ADAMTS19: variants seen among roughly 807,000 people sequenced by gnomAD.
The protein encoded by ADAMTS19 is A disintegrin and metalloproteinase with thrombospondin motifs 19.
In ADAMTS19, 93 loss-of-function variants were observed where a neutral mutation model predicts 153.3. The ratio of observed to expected loss-of-function variants is 0.61; its 90% CI spans 0.51 to 0.72. The LOEUF is 0.72. Ranked by LOEUF, ADAMTS19 falls within the 30% of genes least tolerant of loss-of-function variation. ADAMTS19 has a pLI of 0.00. For synonymous variants in ADAMTS19, 600 were observed against 556.6 expected, an observed-to-expected ratio of 1.08 and a Z score of -1.10; for missense variants, 1,482 against 1,552.1, an observed-to-expected ratio of 0.95 and a Z score of 0.76.
chr5:129,473,790 T>C (rs1750139347), intron 2 of ADAMTS19, among the ~76,000 whole-genome samples: 1 of 152,132 alleles, frequency 6.6e-6, no homozygotes, highest in Non-Finnish European at 1.5e-5. Context: ...TGCACCCTAA[T>C]TATCTCTCAT....
At chr5:129,547,333 A>C (rs1049991647) in intron 6 of ADAMTS19, among the ~76,000 whole-genome samples, 1 of 150,864 alleles carries the variant, frequency 6.6e-6, no homozygotes. Context: ...GGAACATGAT[A>C]CTGCTGACAC....
At chr5:129,551,255 C>T (rs1038634569) in intron 6 of ADAMTS19, among the ~76,000 whole-genome samples, 13 of 151,390 alleles carry the variant, frequency 8.6e-5, no homozygotes, top group African/African-American at 3.1e-4. Flanking sequence ...CTATGAAATC[C>T]TGAATAATTG....
In ADAMTS19 at chr5:129,737,137, A is replaced by G. The variant is rs1214607818; in HGVS notation, c.3561A>G (p.Leu1187=). 6.2e-7 allele frequency: 1 copy of G among 1,612,052 alleles called. No homozygotes were observed. Among genetic ancestry groups the G allele is most frequent in the East Asian group, 2.2e-5 (1 of 44,814 alleles). Residue 1187 remains leucine (L), a synonymous_variant, in exon 23 of 23, where the codon CTA becomes CTG. Transcript: ENST00000274487. ...VYCRVIREKN[L]CQDMRWYQRC... Reference sequence around the variant, plus strand: ...GCCGAGTGATACGTGAAAAGAACCTATGTCAGGACATGCGGTGGTATCAGC... The same window carrying G: ...GCCGAGTGATACGTGAAAAGAACCTGTGTCAGGACATGCGGTGGTATCAGC...
intron 6 of ADAMTS19, among the ~76,000 whole-genome samples, chr5:129,537,039 C>T (rs1448680590): frequency 6.6e-6 from 1 of 150,968 alleles, no homozygotes. Flanking sequence ...TGCACATGTA[C>T]CCTAAAACTT....
At chr5:129,723,017 T>C (rs1757066972) in intron 21 of ADAMTS19, among the ~76,000 whole-genome samples, 1 of 152,204 alleles carries the variant, frequency 6.6e-6, no homozygotes, top group South Asian at 2.1e-4. Flanking sequence ...CATTTGTCTG[T>C]GTTTAGGCCA....
chr5:129,648,763 A>C, intron 12 of ADAMTS19, 35 bp from the exon 13 acceptor site: 1 of 1,588,958 alleles, frequency 6.3e-7, no homozygotes, highest in Non-Finnish European at 8.6e-7. Flanking sequence ...TAACATAAAA[A>C]ACATAAAATT....
intron 6 of ADAMTS19, among the ~76,000 whole-genome samples, chr5:129,542,310 T>G (rs1392361662): frequency 3.3e-5 from 5 of 152,106 alleles, no homozygotes; most frequent in Admixed American, 6.6e-5. Flanking sequence ...GATAATCCTA[T>G]GATTGGAAGC....
At chr5:129,639,254 A>C (rs79341045) in intron 10 of ADAMTS19, among the ~76,000 whole-genome samples, 2,123 of 152,260 alleles carry the variant, frequency 0.014, 38 homozygotes, top group African/African-American at 0.042. Context: ...CCCTTTAGAA[A>C]GGGCTTGCTG....
At chr5:129,612,771 A>C (rs947302660) in intron 8 of ADAMTS19, among the ~76,000 whole-genome samples, 8 of 152,168 alleles carry the variant, frequency 5.3e-5, no homozygotes, top group Non-Finnish European at 1.0e-4. Flanking sequence ...AAGACCCATC[A>C]GTGTGCTGTA....
chr5:129,600,377 C>G (rs1010551967), intron 8 of ADAMTS19, among the ~76,000 whole-genome samples: 4 of 151,964 alleles, frequency 2.6e-5, no homozygotes, highest in African/African-American at 9.7e-5. Flanking sequence ...CTTCTAGAAA[C>G]TAATAACGAA....
At chr5:129,699,422 C>CA (rs536240544) in intron 19 of ADAMTS19, among the ~76,000 whole-genome samples, 878 of 80,130 alleles carry the variant, frequency 0.011, 5 homozygotes, top group East Asian at 0.036. Context: ...GACTTCATCT[C>CA]AAAAAAAAAA....
At chr5:129,578,077 CACAT>C (rs1303871149) in intron 7 of ADAMTS19, among the ~76,000 whole-genome samples, 32 of 107,934 alleles carry the variant, frequency 3.0e-4, no homozygotes, top group East Asian at 8.6e-4. Flanking sequence ...CACACACACA[CACAT>C]ATATACATAT....
intron 17 of ADAMTS19, among the ~76,000 whole-genome samples, chr5:129,682,391 T>G (rs1450830541): frequency 6.6e-6 from 1 of 152,232 alleles, no homozygotes; most frequent in Non-Finnish European, 1.5e-5. Context: ...CAAAGAATAC[T>G]GCCAAATTCA....
chr5:129,572,122 G>A (rs1268271667), intron 7 of ADAMTS19, among the ~76,000 whole-genome samples: 5 of 151,786 alleles, frequency 3.3e-5, no homozygotes, highest in Non-Finnish European at 5.9e-5. Context: ...GTCCATGAAA[G>A]GAAAAATGAT....
chr5:129,640,493 A>G (rs956350306), intron 10 of ADAMTS19, among the ~76,000 whole-genome samples: 1 of 152,136 alleles, frequency 6.6e-6, no homozygotes, highest in Non-Finnish European at 1.5e-5. Flanking sequence ...TTTTTAGTCT[A>G]TTTTGAACAC....
At chr5:129,686,990 A>T (rs10060795) in intron 18 of ADAMTS19, among the ~76,000 whole-genome samples, 1 of 151,928 alleles carries the variant, frequency 6.6e-6, no homozygotes. Context: ...TCCCATATGC[A>T]CCCAAATTCG....
intron 8 of ADAMTS19, among the ~76,000 whole-genome samples, chr5:129,602,058 A>G (rs1750671520): frequency 6.6e-6 from 1 of 152,168 alleles, no homozygotes; most frequent in Middle Eastern, 3.2e-3. Flanking sequence ...TAGACCACTC[A>G]AACTTGTGAA....
At chr5:129,649,408 AC>A in intron 13 of ADAMTS19, among the ~76,000 whole-genome samples, 1 of 152,234 alleles carries the variant, frequency 6.6e-6, no homozygotes, top group Non-Finnish European at 1.5e-5. Flanking sequence ...ACATGCAACA[AC>A]CTGATAGATC....
rs867500811 is a variant in ADAMTS19, at chr5:129,592,904, C to A, written c.1373-3655C>A. Reference sequence around the variant, plus strand: ...GATATTTTTGATACATAGTTGCAATCATACCTCTATGTAAGTATGCACTCA... The same window carrying A: ...GATATTTTTGATACATAGTTGCAATAATACCTCTATGTAAGTATGCACTCA... On this transcript the variant is annotated intron_variant, in intron 7 of 22. Transcript: ENST00000274487. Among the ~76,000 whole-genome samples, 4 of 152,198 alleles carry A rather than the reference C, an allele frequency of 2.6e-5. No individual in the cohort carries two copies. In the South Asian group the frequency reaches 8.3e-4, roughly 32 times the overall value.
Sources: gnomAD v4.1 joint callset for allele counts (sites outside exome capture counted in the v4.1 genomes callset) on GRCh38, gnomAD v4.1.1 for gene constraint, MANE v1.5 for transcripts, NCBI Gene and HGNC (gene_info 2026-07-23, HGNC 2026-07-21) for gene names.